The following SALL2 variants were observed in gnomAD, a reference collection of about 807,000 sequenced individuals.
SALL2 encodes the protein spalt like transcription factor 2, also known as sal-like protein 2.
In SALL2, 32 loss-of-function variants were observed where a neutral mutation model predicts 58.5. That is an observed-to-expected ratio of 0.55 (90% CI 0.41 to 0.74). SALL2 has a LOEUF of 0.74. Among genes scored for constraint, SALL2 ranks in the 30% least tolerant of loss-of-function variants. The pLI is 0.00. For synonymous variants in SALL2, 516 were observed against 513.6 expected, an observed-to-expected ratio of 1.00 and a Z score of -0.06; for missense variants, 1,201 against 1,268.9, an observed-to-expected ratio of 0.95 and a Z score of 0.81.
chr14:21,527,416 C>T (rs988402925), upstream of SALL2, among the ~76,000 whole-genome samples: 1 of 152,144 alleles, frequency 6.6e-6, no homozygotes. Flanking sequence ...TGAAATGAGT[C>T]TTAAAGTGCT....
At chr14:21,535,328 G>C (rs1892568229) in intron 1 of SALL2, among the ~76,000 whole-genome samples, 1 of 143,744 alleles carries the variant, frequency 7.0e-6, no homozygotes, top group South Asian at 2.2e-4. Flanking sequence ...CTGGGCGACA[G>C]AGCGAGACTC....
In SALL2 at chr14:21,525,237, G is replaced by A; in HGVS notation, c.485C>T (p.Pro162Leu). ...PESTPAPPPP[P>L]PPPPPPGVGS... Reference sequence around the variant, plus strand: ...TACCCCTGGGGGCGGAGGGGGTGGTGGAGGAGGAGGGGGTGCAGGGGTCGA... The same window carrying A: ...TACCCCTGGGGGCGGAGGGGGTGGTAGAGGAGGAGGGGGTGCAGGGGTCGA... The change falls in exon 2 of 2, where the codon CCA (proline) becomes CTA (leucine). Residue 162 changes from proline to leucine, a missense_variant. Pro to Leu is a moderately conservative substitution (Grantham distance 98, BLOSUM62 -3). Transcript: ENST00000537235. This position sits in a 1 kb window ranked among gnomAD's most constrained non-coding sequence, Gnocchi z 4.4. The A allele has an allele frequency of 6.2e-7, 1 of 1,612,218 alleles. No individual in the cohort carries two copies. Among genetic ancestry groups the A allele is most frequent in the Non-Finnish European group, 8.5e-7 (1 of 1,178,916 alleles).
chr14:21,526,520 C>G, upstream of SALL2: 1 of 1,153,628 alleles, frequency 8.7e-7, no homozygotes, highest in Non-Finnish European at 1.1e-6. Context: ...CGGGGGTCCA[C>G]CTTTCCCGGT....
chr14:21,526,848 C>G (rs974187752), upstream of SALL2, among the ~76,000 whole-genome samples: 1 of 152,086 alleles, frequency 6.6e-6, no homozygotes, highest in Non-Finnish European at 1.5e-5. Flanking sequence ...TCCATTCCCA[C>G]CCTACCCCCA....
rs1892148734 is a variant in SALL2, at chr14:21,523,677, C to T, written c.2045G>A (p.Ser682Asn). The T allele has an allele frequency of 2.5e-6, 4 of 1,614,226 alleles. 1 individual carries two copies. The Middle Eastern group carries it at 6.6e-4, about 266-fold the overall frequency. ...LRAHFVGHKA[S>N]PAARAQNSCP... ...GGAATTCTGTGCCCGGGCAGCTGGA[C>T]TGGCCTTGTGGCCCACGAAATGTGC... The change falls in exon 2 of 2, where the codon AGT becomes AAT. Residue 682 changes from serine (S) to asparagine (N), a missense_variant. By Grantham distance (46) the Ser-to-Asn change is conservative. Coordinates refer to ENST00000537235, the MANE Select transcript of SALL2 (RefSeq NM_001364564.1). The surrounding 1 kb of genome is among the most constrained non-coding windows in gnomAD (Gnocchi z 4.4).
intron 1 of SALL2, among the ~76,000 whole-genome samples, chr14:21,534,492 T>A (rs10140533): frequency 6.6e-6 from 1 of 152,000 alleles, no homozygotes; most frequent in Non-Finnish European, 1.5e-5. Context: ...TGCCCCCAGG[T>A]GGAAGCTATA....
upstream of SALL2, among the ~76,000 whole-genome samples, chr14:21,528,905 G>C (rs573177896): frequency 5.3e-5 from 8 of 152,298 alleles, no homozygotes; most frequent in African/African-American, 1.9e-4. Flanking sequence ...TTGAACATTT[G>C]ATATCCAGTT....
At chr14:21,532,681 G>T (rs1264417533) in intron 1 of SALL2, among the ~76,000 whole-genome samples, 1 of 151,600 alleles carries the variant, frequency 6.6e-6, no homozygotes, top group African/African-American at 2.4e-5. Flanking sequence ...AAGGGAGTTG[G>T]GGCTGGGCGT....
At chr14:21,534,847 T>C (rs1394978141) in intron 1 of SALL2, among the ~76,000 whole-genome samples, 1 of 152,110 alleles carries the variant, frequency 6.6e-6, no homozygotes, top group Non-Finnish European at 1.5e-5. Flanking sequence ...CCTCTAAATA[T>C]GGGCACAGTA....
rs1373512454 is a variant in SALL2 at position 21,524,263 on chromosome 14, TCTCTGTGGCACTGAG to T, written c.1444_1458del (p.Leu482_Glu486del). On this transcript the variant is annotated inframe_deletion, in exon 2 of 2. Coordinates refer to ENST00000537235, the MANE Select transcript of SALL2 (RefSeq NM_001364564.1). The stretch of plus-strand genomic sequence containing the variant: ...GCACTGGTGGAGAGCAGAGTCAGGC[TCTCTGTGGCACTGAG>T]TGCTGTTGTGGAGGCCACCAGAGGC... The T allele has an allele frequency of 6.2e-7, 1 of 1,613,792 alleles. No individual in the cohort carries two copies. The highest frequency in any genetic ancestry group is 1.3e-5 in the African/African-American group (1 of 74,914).
intron 1 of SALL2, among the ~76,000 whole-genome samples, chr14:21,533,096 T>C (rs1307327168): frequency 2.0e-5 from 3 of 152,208 alleles, no homozygotes; most frequent in Non-Finnish European, 2.9e-5. Flanking sequence ...GTGTTAGTTA[T>C]TATTTGAATG....
upstream of SALL2, among the ~76,000 whole-genome samples, chr14:21,527,563 A>G (rs1892354642): frequency 1.3e-5 from 2 of 152,206 alleles, no homozygotes; most frequent in Non-Finnish European, 2.9e-5. Context: ...AAACTGAGAC[A>G]TGGTGGTCAG....
intron 1 of SALL2, 47 bp downstream of exon 1, chr14:21,526,014 T>C (rs776158870): frequency 2.9e-6 from 3 of 1,041,060 alleles, no homozygotes; most frequent in Middle Eastern, 2.1e-4. Context: ...CCCCTGCGCA[T>C]CCCCCTCCGC....
At position 21,522,760 on chromosome 14, in the gene SALL2, T is replaced by C. The variant is rs761474324; in HGVS notation, c.2962A>G (p.Ile988Val). Residue 988 changes from isoleucine (I) to valine (V), a missense_variant, in exon 2 of 2, where the codon ATC becomes GTC. By Grantham distance (29) the Ile-to-Val change is conservative. Around this residue, in one of 3 missense-constraint regions of SALL2, gnomAD observed 675 missense variants for 683.8 expected, o/e 0.99. Transcript: ENST00000537235. ...LSLVPGCSPSITSTGLSPFPR... is the reference protein window; with the variant it reads ...LSLVPGCSPSVTSTGLSPFPR... The stretch of plus-strand genomic sequence containing the variant: ...AAGGGGGAGAGCCCTGTGGAGGTGA[T>C]GGAAGGCGAACAGCCAGGGACTAGA... 16 of 1,565,130 alleles carry C rather than the reference T, an allele frequency of 1.0e-5. No homozygotes were observed. Among genetic ancestry groups the C allele is most frequent in the South Asian group, 8.6e-5 (7 of 81,272 alleles).
intron 1 of SALL2, among the ~76,000 whole-genome samples, chr14:21,532,586 A>AGCCGAGACGT (rs1470970183): frequency 6.6e-6 from 1 of 152,038 alleles, no homozygotes; most frequent in Non-Finnish European, 1.5e-5. Context: ...GGTTTCAGTG[A>AGCCGAGACGT]GCCGAGACGT....
At chr14:21,534,209 C>A (rs2031063) in intron 1 of SALL2, among the ~76,000 whole-genome samples, 2 of 152,008 alleles carry the variant, frequency 1.3e-5, no homozygotes, top group African/African-American at 4.8e-5. Context: ...ATTTTAGATA[C>A]GATCAAATAG....
chr14:21,536,612 T>C (rs1393147992), intron 1 of SALL2, among the ~76,000 whole-genome samples: 1 of 152,262 alleles, frequency 6.6e-6, no homozygotes, highest in South Asian at 2.1e-4. Context: ...GTTTGAAAAC[T>C]CCATTTCATC....
chr14:21,525,232 G>A lies in SALL2; in HGVS notation c.490C>T (p.Pro164Ser). The A allele has an allele frequency of 6.2e-7, 1 of 1,612,498 alleles. No individual in the cohort carries two copies. The highest frequency in any genetic ancestry group is 8.5e-7 in the Non-Finnish European group (1 of 1,179,010). ...STPAPPPPPP[P>S]PPPPGVGSGH... The stretch of plus-strand genomic sequence containing the variant: ...CTGCCTACCCCTGGGGGCGGAGGGG[G>A]TGGTGGAGGAGGAGGGGGTGCAGGG... Residue 164 changes from proline (P) to serine (S), a missense_variant, in exon 2 of 2, where the codon CCC (proline) becomes TCC (serine). Pro to Ser is a moderately conservative substitution (Grantham distance 74). Around this residue, in one of 3 missense-constraint regions of SALL2, gnomAD observed 467 missense variants for 468.9 expected, o/e 1.00. Coordinates refer to ENST00000537235, the MANE Select transcript of SALL2 (RefSeq NM_001364564.1). This position sits in a 1 kb window ranked among gnomAD's most constrained non-coding sequence, Gnocchi z 4.4.
rs1405985527 is a variant in SALL2, at chr14:21,525,088, C to G, written c.634G>C (p.Gly212Arg). The G allele has an allele frequency of 1.9e-6, 3 of 1,614,030 alleles. No individual in the cohort carries two copies. The East Asian group carries it at 6.7e-5, about 36-fold the overall frequency. The change falls in exon 2 of 2, where the codon GGC (glycine) becomes CGC (arginine). Residue 212 changes from glycine (G) to arginine (R), a missense_variant. Around this residue, in one of 3 missense-constraint regions of SALL2, gnomAD observed 467 missense variants for 468.9 expected, o/e 1.00. Coordinates refer to ENST00000537235, the MANE Select transcript of SALL2 (RefSeq NM_001364564.1). This position sits in a 1 kb window ranked among gnomAD's most constrained non-coding sequence, Gnocchi z 4.4. Reference protein sequence around the residue: ...CRQVLLLGSLGQTVGAPASPS... With the variant: ...CRQVLLLGSLRQTVGAPASPS... Reference sequence around the variant, plus strand: ...CTGGCAGGGGCACCCACCGTCTGGCCTAAGGAGCCAAGCAACAGCACCTGC... The same window carrying G: ...CTGGCAGGGGCACCCACCGTCTGGCGTAAGGAGCCAAGCAACAGCACCTGC...
Sources: gnomAD v4.1 joint callset for allele counts (sites outside exome capture counted in the v4.1 genomes callset) on GRCh38, gnomAD v4.1.1 for gene constraint, gnomAD v4.1.1 regional missense constraint, Gnocchi (gnomAD v3.1) non-coding constraint, MANE v1.5 for transcripts, NCBI Gene and HGNC (gene_info 2026-07-23, HGNC 2026-07-21) for gene names.